The following MYRIP variants were observed in gnomAD, a reference collection of about 807,000 sequenced individuals.
MYRIP encodes the protein rab effector MyRIP.
A neutral mutation model predicts 98.0 loss-of-function variants in MYRIP; 49 were observed. The ratio of observed to expected loss-of-function variants is 0.50; its 90% CI spans 0.40 to 0.63. MYRIP has a LOEUF of 0.63. Ranked by LOEUF, MYRIP falls within the 30% of genes least tolerant of loss-of-function variation. MYRIP has a pLI of 0.00. For synonymous variants in MYRIP, 404 were observed against 409.5 expected, an observed-to-expected ratio of 0.99 and a Z score of 0.16; for missense variants, 1,004 against 1,058.2, an observed-to-expected ratio of 0.95 and a Z score of 0.71.
intron 11 of MYRIP, among the ~76,000 whole-genome samples, chr3:40,216,033 TAG>T (rs1952109369): frequency 1.3e-5 from 2 of 152,342 alleles, no homozygotes; most frequent in East Asian, 1.9e-4. Flanking sequence ...GCCAGGAAGA[TAG>T]AGTTCTAGGT....
chr3:39,917,329 A>G lies in MYRIP; in HGVS notation c.110+16403A>G, dbSNP rs142871901. ...AACTTTATAACTTATCCAATTATTC[A>G]TTGCCAGGAACATGACATTCTGGAA... On this transcript the variant is annotated intron_variant, in intron 2 of 16. Coordinates refer to ENST00000302541, the MANE Select transcript of MYRIP (RefSeq NM_015460.4). Among the ~76,000 whole-genome samples the G allele has an allele frequency of 1.3e-4, 19 of 151,196 alleles. No individual in the cohort carries two copies. The East Asian group carries it at 1.5e-3, about 12-fold the overall frequency.
chr3:39,972,452 G>A (rs759357853), intron 2 of MYRIP, among the ~76,000 whole-genome samples: 1 of 151,976 alleles, frequency 6.6e-6, no homozygotes, highest in Non-Finnish European at 1.5e-5. Context: ...TAATTTTAAC[G>A]TGGAACTAAA....
At chr3:39,967,058 A>T (rs558953641) in intron 2 of MYRIP, among the ~76,000 whole-genome samples, 6 of 152,240 alleles carry the variant, frequency 3.9e-5, no homozygotes, top group Admixed American at 1.3e-4. Flanking sequence ...AACCATAGTT[A>T]TCTGGCAGGG....
At chr3:39,970,230 A>G (rs1194086624) in intron 2 of MYRIP, 1 of 152,232 alleles carries the variant, frequency 6.6e-6, no homozygotes, top group East Asian at 1.9e-4. Context: ...CTTTAAATAT[A>G]GTTGGCATTG....
intron 3 of MYRIP, among the ~76,000 whole-genome samples, chr3:40,053,573 C>T (rs1252129424): frequency 1.3e-5 from 2 of 152,110 alleles, no homozygotes; most frequent in African/African-American, 4.8e-5. Flanking sequence ...TACAAGAACT[C>T]TGTGAAGGGC....
At chr3:40,035,471 T>C (rs1363084992) in intron 2 of MYRIP, among the ~76,000 whole-genome samples, 1 of 151,724 alleles carries the variant, frequency 6.6e-6, no homozygotes, top group Non-Finnish European at 1.5e-5. Flanking sequence ...TTAATCAAAA[T>C]GACAAACCAT....
At chr3:40,042,375 A>G (rs76432941) in intron 2 of MYRIP, among the ~76,000 whole-genome samples, 4,086 of 151,868 alleles carry the variant, frequency 0.027, 113 homozygotes, top group African/African-American at 0.07. Context: ...GGGGTGGTCT[A>G]GGCCTTCTCA....
intron 9 of MYRIP, 42 bp from the exon 10 acceptor site, chr3:40,189,784 A>G (rs774371894): frequency 2.3e-5 from 35 of 1,540,756 alleles, no homozygotes; most frequent in South Asian, 1.4e-4. Context: ...CATTAAAGTG[A>G]TAACAGCCCC....
At chr3:39,864,765 C>T (rs184218041) in intron 1 of MYRIP, among the ~76,000 whole-genome samples, 1 of 152,134 alleles carries the variant, frequency 6.6e-6, no homozygotes, top group African/African-American at 2.4e-5. Flanking sequence ...TATCAAACTA[C>T]CAATGACATT....
intron 1 of MYRIP, among the ~76,000 whole-genome samples, chr3:39,820,604 T>C (rs1360855064): frequency 2.0e-5 from 3 of 152,226 alleles, no homozygotes; most frequent in Admixed American, 6.5e-5. Flanking sequence ...TTATTAATCA[T>C]TAGAGATTTT....
intron 3 of MYRIP, among the ~76,000 whole-genome samples, chr3:40,096,379 C>T (rs1469158962): frequency 6.6e-6 from 1 of 152,156 alleles, no homozygotes; most frequent in Non-Finnish European, 1.5e-5. Context: ...GTGCATCTCA[C>T]ACATCCTGAA....
intron 2 of MYRIP, among the ~76,000 whole-genome samples, chr3:39,909,799 C>T (rs1943973500): frequency 6.6e-6 from 1 of 152,170 alleles, no homozygotes; most frequent in Admixed American, 6.5e-5. Context: ...TTCTACTTCA[C>T]TGTTACTAAT....
intron 3 of MYRIP, among the ~76,000 whole-genome samples, chr3:40,149,696 A>G (rs1227090890): frequency 6.6e-6 from 1 of 152,150 alleles, no homozygotes; most frequent in Non-Finnish European, 1.5e-5. Flanking sequence ...CTCTGAATCA[A>G]CCAACTCAAA....
chr3:39,970,837 A>G (rs1945563074), intron 2 of MYRIP, among the ~76,000 whole-genome samples: 1 of 152,130 alleles, frequency 6.6e-6, no homozygotes, highest in African/African-American at 2.4e-5. Context: ...GGGAGGATTT[A>G]TAGATATGTA....
In MYRIP at chr3:40,241,229, G is replaced by A. The variant is rs114695048; in HGVS notation, c.2101-3217G>A. Among the ~76,000 whole-genome samples, 54 of 152,252 alleles carry A rather than the reference G, an allele frequency of 3.5e-4. 1 individual carries two copies. The highest frequency in any genetic ancestry group is 1.3e-3 in the African/African-American group (54 of 41,542). ...TTCCCTTTTAGCTCCACCCCACATT[G>A]CCCATGGAGTATACAACCAGTGGCA... On this transcript the variant is annotated intron_variant, in intron 12 of 16. Coordinates refer to ENST00000302541, the MANE Select transcript of MYRIP (RefSeq NM_015460.4).
At chr3:39,902,075 G>A (rs976135512) in intron 2 of MYRIP, among the ~76,000 whole-genome samples, 8 of 152,278 alleles carry the variant, frequency 5.3e-5, no homozygotes, top group East Asian at 1.9e-4. Context: ...AGTCAAGGAC[G>A]TCCCCAAGGT....
chr3:40,117,326 A>G (rs1338051484), intron 3 of MYRIP, among the ~76,000 whole-genome samples: 1 of 152,172 alleles, frequency 6.6e-6, no homozygotes, highest in Non-Finnish European at 1.5e-5. Context: ...ATTTCATCAA[A>G]GCCATATGAT....
chr3:40,110,462 A>T (rs1044654346), intron 3 of MYRIP, among the ~76,000 whole-genome samples: 1 of 152,252 alleles, frequency 6.6e-6, no homozygotes, highest in Non-Finnish European at 1.5e-5. Context: ...CAAGAGTAGA[A>T]GTAATGTTGA....
rs1317186543 is a variant in MYRIP, at chr3:39,851,207, G to GATGT, written c.-31+41304_-31+41307dup. On this transcript the variant is annotated intron_variant, in intron 1 of 16. Coordinates refer to ENST00000302541, the MANE Select transcript of MYRIP (RefSeq NM_015460.4). ...ATTTAGTTGCCAATAATCTATGATG[G>GATGT]ATGTATGTATGTATGTGTGTGATTT... 2.6e-5 allele frequency among the ~76,000 whole-genome samples: 4 copies of GATGT among 151,368 alleles called. No individual in the cohort carries two copies. The East Asian group carries it at 5.8e-4, about 22-fold the overall frequency.
Sources: allele counts gnomAD v4.1 joint callset (sites outside exome capture counted in the v4.1 genomes callset), GRCh38; gene constraint gnomAD v4.1.1; transcripts MANE v1.5; gene names NCBI Gene and HGNC (gene_info 2026-07-23, HGNC 2026-07-21).